Variants in CTNNA2 observed in about 807,000 individuals in gnomAD.
CTNNA2 encodes catenin alpha 2, also known as catenin alpha-2.
Under a neutral mutation model 101.0 loss-of-function variants are expected in CTNNA2, and 42 were observed. The ratio of observed to expected loss-of-function variants is 0.42; its 90% CI spans 0.32 to 0.54. The LOEUF is 0.54. Among genes scored for constraint, CTNNA2 ranks in the 20% least tolerant of loss-of-function variants. CTNNA2 has a pLI of 0.14. For missense variants in CTNNA2, 871 were observed against 1,223.1 expected (o/e 0.71, Z 4.29); for synonymous variants, 450 against 456.4 (o/e 0.99, Z 0.18).
intron 2 of CTNNA2, among the ~76,000 whole-genome samples, chr2:79,307,089 C>CTTTT (rs144621747): frequency 0.18 from 27,156 of 151,932 alleles, 2,794 homozygotes; most frequent in African/African-American, 0.29. Context: ...TTTTGGTTTT[C>CTTTT]TAACATTTAT....
At chr2:79,994,741 T>A (rs1692426424) in intron 7 of CTNNA2, among the ~76,000 whole-genome samples, 1 of 152,172 alleles carries the variant, frequency 6.6e-6, no homozygotes, top group African/African-American at 2.4e-5. Flanking sequence ...TTTCTAAATA[T>A]GTCTTTATTT....
intron 8 of CTNNA2, among the ~76,000 whole-genome samples, chr2:80,401,353 C>T (rs1052986231): frequency 1.3e-5 from 2 of 152,132 alleles, no homozygotes; most frequent in Admixed American, 6.5e-5. Context: ...TCCATTGTCT[C>T]AAGGGCTAAA....
At chr2:79,917,357 C>T (rs773771793) in intron 7 of CTNNA2, among the ~76,000 whole-genome samples, 12 of 152,066 alleles carry the variant, frequency 7.9e-5, no homozygotes, top group African/African-American at 1.7e-4. Flanking sequence ...TGTGAGCCAC[C>T]GTGCCTGGCC....
chr2:80,544,998 G>A lies in CTNNA2; in HGVS notation c.1307G>A (p.Cys436Tyr), dbSNP rs762417293. ...TCAATACAGGTTGCCAATTTGGCCT[G>A]TTCCATCTCCAACAATGAAGAAGGG... ...NKLVEVANLACSISNNEEGVK... is the reference protein window; with the variant it reads ...NKLVEVANLAYSISNNEEGVK... Residue 436 changes from cysteine to tyrosine, a missense_variant, in exon 10 of 19, where the codon TGT becomes TAT. Physicochemically the swap from Cys to Tyr is radical, Grantham distance 194 (BLOSUM62 -2). Coordinates refer to ENST00000402739, the MANE Select transcript of CTNNA2 (RefSeq NM_001282597.3). The A allele has an allele frequency of 6.2e-7, 1 of 1,613,992 alleles. No individual in the cohort carries two copies. The highest frequency in any genetic ancestry group is 8.5e-7 in the Non-Finnish European group (1 of 1,179,936).
intron 2 of CTNNA2, among the ~76,000 whole-genome samples, chr2:79,283,369 T>C (rs1334473867): frequency 5.0e-5 from 5 of 99,382 alleles, no homozygotes; most frequent in African/African-American, 9.3e-5. Flanking sequence ...CTAGGTTTTC[T>C]TCTAGGGTTT....
chr2:80,567,774 G>A (rs560911578), intron 12 of CTNNA2, among the ~76,000 whole-genome samples: 2 of 152,092 alleles, frequency 1.3e-5, no homozygotes, highest in Non-Finnish European at 1.5e-5. Context: ...CTCAGTGACT[G>A]TCTGTGATGG....
chr2:79,277,830 A>G (rs1306213561), intron 2 of CTNNA2, among the ~76,000 whole-genome samples: 3 of 152,070 alleles, frequency 2.0e-5, no homozygotes, highest in African/African-American at 7.2e-5. Flanking sequence ...CACAGACTCA[A>G]TTTACTTTAT....
intron 2 of CTNNA2, among the ~76,000 whole-genome samples, chr2:79,715,841 G>A (rs972585087): frequency 6.6e-5 from 10 of 150,896 alleles, no homozygotes; most frequent in African/African-American, 2.0e-4. Flanking sequence ...GGATAGATAC[G>A]TCTAATATCA....
At chr2:79,890,478 C>T (rs1361905756) in intron 6 of CTNNA2, among the ~76,000 whole-genome samples, 1 of 152,110 alleles carries the variant, frequency 6.6e-6, no homozygotes, top group Non-Finnish European at 1.5e-5. Flanking sequence ...ACTTTCCTCA[C>T]TTTAGCAGAT....
At chr2:80,130,438 C>T (rs1702353110) in intron 7 of CTNNA2, among the ~76,000 whole-genome samples, 1 of 152,164 alleles carries the variant, frequency 6.6e-6, no homozygotes, top group African/African-American at 2.4e-5. Context: ...ACAACTATTG[C>T]TCCAGGAGCT....
At chr2:79,934,373 G>T (rs922094367) in intron 7 of CTNNA2, among the ~76,000 whole-genome samples, 67 of 152,166 alleles carry the variant, frequency 4.4e-4, no homozygotes, top group African/African-American at 1.6e-3. Context: ...ATAATAATTT[G>T]CCTACTTTTA....
intron 7 of CTNNA2, among the ~76,000 whole-genome samples, chr2:79,982,583 G>A (rs1691462705): frequency 7.8e-6 from 1 of 127,830 alleles, no homozygotes; most frequent in East Asian, 2.5e-4. Context: ...GGTTTCTGAT[G>A]TTTCTGTTAA....
chr2:79,199,028 G>T (rs775594720), intron 2 of CTNNA2, among the ~76,000 whole-genome samples: 1 of 152,094 alleles, frequency 6.6e-6, no homozygotes, highest in Non-Finnish European at 1.5e-5. Flanking sequence ...AATAAAATCT[G>T]CCAATATACA....
intron 9 of CTNNA2, among the ~76,000 whole-genome samples, chr2:80,497,675 T>C (rs936433280): frequency 2.0e-5 from 3 of 152,146 alleles, no homozygotes; most frequent in African/African-American, 7.2e-5. Flanking sequence ...TTATGTTACA[T>C]TATATTAAAC....
At chr2:80,314,915 A>C (rs940088422) in intron 7 of CTNNA2, among the ~76,000 whole-genome samples, 1 of 152,192 alleles carries the variant, frequency 6.6e-6, no homozygotes, top group Admixed American at 6.5e-5. Context: ...TGTGAAAAGC[A>C]TTTTCAAATT....
chr2:80,037,618 A>T (rs1010637025), intron 7 of CTNNA2, among the ~76,000 whole-genome samples: 6 of 152,172 alleles, frequency 3.9e-5, no homozygotes, highest in African/African-American at 1.4e-4. Context: ...GAGCATCATG[A>T]CTTTATGGGA....
rs545375430 is a variant in CTNNA2 at position 80,233,641 on chromosome 2, T to C, written c.1057-159570T>C. Among the ~76,000 whole-genome samples the C allele has an allele frequency of 2.0e-4, 30 of 152,332 alleles. No individual in the cohort carries two copies. The South Asian group carries it at 3.3e-3, about 17-fold the overall frequency. ...TTGACATGGATTTGAGGTAATGCTATCATATTTTGCTAGAAAAGGCATCTC... is the reference window on the plus strand; with the variant it reads ...TTGACATGGATTTGAGGTAATGCTACCATATTTTGCTAGAAAAGGCATCTC... On this transcript the variant is annotated intron_variant, in intron 7 of 18. Coordinates refer to ENST00000402739, the MANE Select transcript of CTNNA2 (RefSeq NM_001282597.3).
chr2:79,591,324 T>C (rs1342660118), intron 1 of CTNNA2, among the ~76,000 whole-genome samples: 2 of 152,218 alleles, frequency 1.3e-5, no homozygotes, highest in African/African-American at 2.4e-5. Flanking sequence ...TATTTATAAA[T>C]GTTATCCTGT....
chr2:79,547,101 A>G (rs1267137325), intron 1 of CTNNA2: 1 of 152,074 alleles, frequency 6.6e-6, no homozygotes, highest in African/African-American at 2.4e-5. Context: ...CTGGTACATA[A>G]TAGGGATCAT....
Sources: gnomAD v4.1 joint callset for allele counts (sites outside exome capture counted in the v4.1 genomes callset) on GRCh38, gnomAD v4.1.1 for gene constraint, MANE v1.5 for transcripts, NCBI Gene and HGNC (gene_info 2026-07-23, HGNC 2026-07-21) for gene names.